Variants in IL9 observed in about 807,000 individuals in gnomAD.
IL9 encodes the protein interleukin-9.
In IL9, 16 loss-of-function variants were observed where a neutral mutation model predicts 12.9. The observed-to-expected ratio is 1.24, with a 90% CI of 0.84 to 1.88. IL9 has a LOEUF of 1.88. Among genes scored for constraint, IL9 ranks in the 40% most tolerant of loss-of-function variants. The pLI, the probability that IL9 is intolerant of heterozygous loss-of-function variation, is 0.00. For missense variants in IL9, 170 were observed against 173.1 expected (o/e 0.98, Z 0.10); for synonymous variants, 69 against 63.8 (o/e 1.08, Z -0.39).
chr5:135,892,538 G>A, intron 4 of IL9, 28 bp from the exon 5 acceptor site: 1 of 1,596,176 alleles, frequency 6.3e-7, no homozygotes, highest in Non-Finnish European at 8.5e-7. Flanking sequence ...GATAAGGACA[G>A]AGTGACTCAA....
chr5:135,893,197 C>A (rs1446968260), intron 4 of IL9, among the ~76,000 whole-genome samples: 8 of 152,210 alleles, frequency 5.3e-5, no homozygotes, highest in African/African-American at 1.9e-4. Flanking sequence ...CTCTACCCAA[C>A]TTGCCATCCC....
chr5:135,894,512 G>A (rs926203616), intron 3 of IL9, among the ~76,000 whole-genome samples: 9 of 152,192 alleles, frequency 5.9e-5, no homozygotes, highest in Admixed American at 3.3e-4. Flanking sequence ...CAGCTAATGG[G>A]ATGTGACAAT....
At position 135,895,540 on chromosome 5, in the gene IL9, A is replaced by G. The variant is rs55692658; in HGVS notation, c.150+15T>C. The G allele has an allele frequency of 1.8e-3, 2,961 of 1,614,004 alleles. 43 individuals carry two copies. In the East Asian group the frequency reaches 0.039, roughly 21 times the overall value. ...TAAAATTAATTTGGAAAGTTCTTAA[A>G]GAGCATTCACTCACATTAGCACTGC... On this transcript the variant is annotated intron_variant, in intron 2 of 4. Coordinates refer to ENST00000274520, the MANE Select transcript of IL9 (RefSeq NM_000590.2).
rs769060925 is a variant in IL9, at chr5:135,895,424, A to G, written c.183+16T>C. ...AAAAATCCAAGGTCAACATTATGTT[A>G]TTTCACTATACTTACAGAGGGAATG... On this transcript the variant is annotated intron_variant, in intron 3 of 4. Coordinates refer to ENST00000274520, the MANE Select transcript of IL9 (RefSeq NM_000590.2). 1 of 1,602,432 alleles carries G rather than the reference A, an allele frequency of 6.2e-7. No homozygotes were observed.
chr5:135,895,516 A>G, intron 2 of IL9, 39 bp downstream of exon 2: 1 of 1,613,526 alleles, frequency 6.2e-7, no homozygotes, highest in Non-Finnish European at 8.5e-7. Flanking sequence ...TGTGAAAATT[A>G]AAATTAATTT....
In IL9 at chr5:135,892,357, A is replaced by C. The variant is rs527870399; in HGVS notation, c.*34T>G. 20 of 1,492,880 alleles carry C rather than the reference A, an allele frequency of 1.3e-5. No homozygotes were observed. The highest frequency in any genetic ancestry group is 1.3e-4 in the African/African-American group (9 of 70,552). The allele number at this position is 1,492,880 out of a possible 1,614,324, so 92.5% of individuals were successfully genotyped here. Reference sequence around the variant, plus strand: ...TAGCAACTTAAAGAGAAAGCTTTTTAAATTTAATAAATAGGATAAATAATA... The same window carrying C: ...TAGCAACTTAAAGAGAAAGCTTTTTCAATTTAATAAATAGGATAAATAATA... On this transcript the variant is annotated 3_prime_UTR_variant, in exon 5 of 5. Coordinates refer to ENST00000274520, the MANE Select transcript of IL9 (RefSeq NM_000590.2).
At position 135,895,749 on chromosome 5, in the gene IL9, G is replaced by T. The variant is rs923834612; in HGVS notation, c.68C>A (p.Thr23Asn). ...GTTGATGTCCAGGATCCCCGCCAAG[G>T]TTGGACACCCCTGGCCTGCCACGGA... ...LCSVAGQGCP[T>N]LAGILDINFL... The change falls in exon 1 of 5, where the codon ACC becomes AAC. Residue 23 changes from threonine to asparagine, a missense_variant. Thr to Asn is a moderately conservative substitution (Grantham distance 65, BLOSUM62 0). Coordinates refer to ENST00000274520, the MANE Select transcript of IL9 (RefSeq NM_000590.2). 1.2e-6 allele frequency: 2 copies of T among 1,613,994 alleles called. No individual in the cohort carries two copies. The highest frequency in any genetic ancestry group is 2.2e-5 in the East Asian group (1 of 44,900).
In IL9 at chr5:135,892,457, T is replaced by C. The variant is rs970229668; in HGVS notation, c.369A>G (p.Thr123=). The stretch of plus-strand genomic sequence containing the variant: ...AAATTTCCAGAAGACTCTTCAGAAA[T>C]GTCAGCGCGTTGCCTGCCGTGGTTT... The part of the protein sequence containing the change: ...CNQTTAGNAL[T]FLKSLLEIFQ... The change falls in exon 5 of 5, where the codon ACA becomes ACG. Residue 123 remains threonine (T), a synonymous_variant. Coordinates refer to ENST00000274520, the MANE Select transcript of IL9 (RefSeq NM_000590.2). The C allele has an allele frequency of 1.2e-6, 2 of 1,613,576 alleles. No individual in the cohort carries two copies. The highest frequency in any genetic ancestry group is 1.7e-6 in the Non-Finnish European group (2 of 1,179,738).
intron 3 of IL9, among the ~76,000 whole-genome samples, chr5:135,894,594 T>C (rs1431162408): frequency 1.3e-5 from 2 of 152,236 alleles, no homozygotes; most frequent in African/African-American, 4.8e-5. Context: ...CTGTGCTGTC[T>C]GCCTGGTTCC....
chr5:135,895,451 CCAAA>C lies in IL9; in HGVS notation c.168_171del (p.Cys56TrpfsTer20). On this transcript the variant is annotated frameshift_variant, in exon 3 of 5. Transcript: ENST00000274520. LOFTEE classifies it high-confidence loss of function. ...TTCACTATACTTACAGAGGGAATGC[CCAAA>C]CAGAGACAACTGGTCACCTGCAAGG... is the stretch of plus-strand genomic sequence containing the variant. The C allele has an allele frequency of 6.2e-7, 1 of 1,613,672 alleles. No homozygotes were observed. The highest frequency in any genetic ancestry group is 1.3e-5 in the African/African-American group (1 of 74,964).
chr5:135,893,699 T>G (rs1257797190), intron 4 of IL9, among the ~76,000 whole-genome samples: 1 of 152,216 alleles, frequency 6.6e-6, no homozygotes, highest in Non-Finnish European at 1.5e-5. Flanking sequence ...ATCTCTAGGA[T>G]AATTTAGTAT....
intron 4 of IL9, among the ~76,000 whole-genome samples, chr5:135,892,733 T>TACAC (rs59978451): frequency 0.1 from 14,263 of 137,618 alleles, 734 homozygotes; most frequent in Non-Finnish European, 0.13. Context: ...CAGGGGTCTT[T>TACAC]ACACACACAC....
At chr5:135,893,667 A>C (rs1762904991) in intron 4 of IL9, among the ~76,000 whole-genome samples, 1 of 152,142 alleles carries the variant, frequency 6.6e-6, no homozygotes, top group Non-Finnish European at 1.5e-5. Context: ...TGTTAACAAC[A>C]TCCATTCAGT....
rs564739256 is a variant in IL9 at position 135,895,466 on chromosome 5, T to G, written c.157A>C (p.Ser53Arg). ...SKCHCSANVT[S>R]CLCLGIPSDN... Reference sequence around the variant, plus strand: ...GAGGGAATGCCCAAACAGAGACAACTGGTCACCTGCAAGGGAAATTTCAGA... The same window carrying G: ...GAGGGAATGCCCAAACAGAGACAACGGGTCACCTGCAAGGGAAATTTCAGA... The change falls in exon 3 of 5, where the codon AGT (serine) becomes CGT (arginine). Residue 53 changes from serine (S) to arginine (R), a missense_variant. Coordinates refer to ENST00000274520, the MANE Select transcript of IL9 (RefSeq NM_000590.2). The G allele has an allele frequency of 7.1e-5, 115 of 1,613,996 alleles. No homozygotes were observed. Among genetic ancestry groups the G allele is most frequent in the Non-Finnish European group, 9.4e-5 (111 of 1,179,884 alleles).
chr5:135,893,414 G>C (rs1414102648), intron 4 of IL9, among the ~76,000 whole-genome samples: 1 of 151,856 alleles, frequency 6.6e-6, no homozygotes, highest in Non-Finnish European at 1.5e-5. Context: ...GAGTTGGAGA[G>C]CAACCTGGCC....
rs573907716 is a variant in IL9, at chr5:135,892,475, C to T, written c.351G>A (p.Thr117=). 1.1e-4 allele frequency: 174 copies of T among 1,613,296 alleles called. 3 individuals are homozygous for T. The highest frequency in any genetic ancestry group is 9.9e-4 in the South Asian group (90 of 90,938). ...FSCEQPCNQT[T]AGNALTFLKS... is the part of the protein sequence containing the mutation. ...TCAGAAATGTCAGCGCGTTGCCTGCCGTGGTTTGGTTGCATGGCTGTTCAC... is the reference window on the plus strand; with the variant it reads ...TCAGAAATGTCAGCGCGTTGCCTGCTGTGGTTTGGTTGCATGGCTGTTCAC... The change falls in exon 5 of 5, where the codon ACG becomes ACA. Residue 117 remains threonine, a synonymous_variant. Coordinates refer to ENST00000274520, the MANE Select transcript of IL9 (RefSeq NM_000590.2).
chr5:135,893,941 T>C (rs1452215565), intron 4 of IL9, 79 bp downstream of exon 4: 1 of 1,225,832 alleles, frequency 8.2e-7, no homozygotes, highest in Non-Finnish European at 1.1e-6. Context: ...TATCATCCTT[T>C]TGTGTTCAAA....
chr5:135,893,660 T>C (rs1326139193), intron 4 of IL9, among the ~76,000 whole-genome samples: 1 of 152,136 alleles, frequency 6.6e-6, no homozygotes, highest in Non-Finnish European at 1.5e-5. Context: ...AAATCCCTGT[T>C]AACAACATCC....
chr5:135,893,926 A>T (rs1389406779), intron 4 of IL9, 94 bp downstream of exon 4: 11 of 1,088,198 alleles, frequency 1.0e-5, no homozygotes, highest in Non-Finnish European at 1.3e-5. Flanking sequence ...TACCAATTCC[A>T]ACTTTATCAT....
Sources: allele counts gnomAD v4.1 joint callset (sites outside exome capture counted in the v4.1 genomes callset), GRCh38; gene constraint gnomAD v4.1.1; transcripts MANE v1.5; gene names NCBI Gene and HGNC (gene_info 2026-07-23, HGNC 2026-07-21).